Variants in RIMS2 observed in about 807,000 individuals in gnomAD.
RIMS2 encodes the protein regulating synaptic membrane exocytosis protein 2.
A neutral mutation model predicts 174.4 loss-of-function variants in RIMS2; 59 were observed. That is an observed-to-expected ratio of 0.34 (90% CI 0.27 to 0.42). The LOEUF (loss-of-function observed/expected upper bound fraction) is 0.42. Among genes scored for constraint, RIMS2 ranks in the 10% least tolerant of loss-of-function variants. The pLI is 1.00. For synonymous variants in RIMS2, 606 were observed against 572.5 expected (o/e 1.06, Z -0.84); for missense variants, 1,620 against 1,666.3 (o/e 0.97, Z 0.48).
chr8:103,561,426 C>T (rs192090700), intron 1 of RIMS2, among the ~76,000 whole-genome samples: 1 of 152,232 alleles, frequency 6.6e-6, no homozygotes, highest in East Asian at 1.9e-4. Flanking sequence ...AGCCCAATCA[C>T]TATGTCTTGA....
intron 2 of RIMS2, among the ~76,000 whole-genome samples, chr8:103,712,177 T>TG (rs2097313676): frequency 6.6e-6 from 1 of 150,704 alleles, no homozygotes; most frequent in East Asian, 1.9e-4. Flanking sequence ...CTTTTTTTTT[T>TG]TTTTTTTTTT....
chr8:103,910,571 G>T (rs780274341), intron 5 of RIMS2, 42 bp downstream of exon 8: 9 of 1,197,806 alleles, frequency 7.5e-6, no homozygotes, highest in South Asian at 1.2e-5. Flanking sequence ...TGCTCATTTG[G>T]TCTTCGTTTG....
At chr8:103,968,952 C>T (rs943372087) in intron 15 of RIMS2, among the ~76,000 whole-genome samples, 2 of 152,040 alleles carry the variant, frequency 1.3e-5, no homozygotes, top group African/African-American at 2.4e-5. Context: ...CTTTCTCCTT[C>T]ACTTTTGAAG....
rs1284618506 is a variant in RIMS2, at chr8:104,204,561, A to C, written c.3335-40355A>C. ...ATTAAAAAATTTACAGAGAGTGCTC[A>C]TAAAAATATTAAACAGTTGTCTGAA... On this transcript the variant is annotated intron_variant, in intron 19 of 23. Coordinates refer to ENST00000504942, the Ensembl canonical transcript of RIMS2. Among the ~76,000 whole-genome samples the C allele has an allele frequency of 3.3e-5, 5 of 151,892 alleles. No individual in the cohort carries two copies. The East Asian group carries it at 9.6e-4, about 29-fold the overall frequency.
chr8:104,149,791 C>G (rs899909539), intron 19 of RIMS2, among the ~76,000 whole-genome samples: 1 of 152,028 alleles, frequency 6.6e-6, no homozygotes, highest in Non-Finnish European at 1.5e-5. Flanking sequence ...TTCCTGGACC[C>G]GGCTAATCTT....
At chr8:103,677,710 A>C (rs1192249607) in intron 1 of RIMS2, among the ~76,000 whole-genome samples, 1 of 152,164 alleles carries the variant, frequency 6.6e-6, no homozygotes, top group African/African-American at 2.4e-5. Context: ...TAAATTTAAC[A>C]GTTTAATTGA....
intron 19 of RIMS2, among the ~76,000 whole-genome samples, chr8:104,181,194 C>T (rs1261900648): frequency 6.6e-6 from 1 of 151,636 alleles, no homozygotes; most frequent in Non-Finnish European, 1.5e-5. Context: ...TCCTGACTCA[C>T]TTTGACCAAA....
At chr8:103,526,579 G>T (rs571268956) in intron 1 of RIMS2, among the ~76,000 whole-genome samples, 1 of 152,068 alleles carries the variant, frequency 6.6e-6, no homozygotes, top group Non-Finnish European at 1.5e-5. Context: ...ATATAAGAGC[G>T]CTTTGGCAGA....
intron 1 of RIMS2, among the ~76,000 whole-genome samples, chr8:103,529,856 AC>A (rs1268405068): frequency 1.3e-5 from 2 of 152,270 alleles, no homozygotes; most frequent in African/African-American, 4.8e-5. Context: ...AATAAATATT[AC>A]TTTTTATTGT....
At chr8:103,854,627 T>A in intron 3 of RIMS2, among the ~76,000 whole-genome samples, 1 of 152,054 alleles carries the variant, frequency 6.6e-6, no homozygotes, top group Non-Finnish European at 1.5e-5. Context: ...GATGAACATA[T>A]GCTTTTTGTT....
At chr8:103,992,246 T>G (rs2094756078) in intron 17 of RIMS2, among the ~76,000 whole-genome samples, 1 of 150,908 alleles carries the variant, frequency 6.6e-6, no homozygotes, top group Admixed American at 6.6e-5. Context: ...ATAGCTGGGA[T>G]TACAGGCATG....
chr8:103,929,959 G>A (rs1565370724), intron 11 of RIMS2, among the ~76,000 whole-genome samples: 1 of 151,782 alleles, frequency 6.6e-6, no homozygotes, highest in South Asian at 2.1e-4. Flanking sequence ...AACTTCCAGG[G>A]CCTCATTCTG....
chr8:104,045,343 C>T (rs1000040466), intron 19 of RIMS2, among the ~76,000 whole-genome samples: 5 of 151,812 alleles, frequency 3.3e-5, no homozygotes, highest in African/African-American at 1.2e-4. Context: ...TTAGCACTTG[C>T]AAATCATAAT....
chr8:104,126,131 A>G (rs946678095), intron 19 of RIMS2, among the ~76,000 whole-genome samples: 1 of 152,160 alleles, frequency 6.6e-6, no homozygotes, highest in Non-Finnish European at 1.5e-5. Context: ...AACCGGTTTT[A>G]TGTCTTACTG....
intron 19 of RIMS2, among the ~76,000 whole-genome samples, chr8:104,191,237 G>C (rs541191919): frequency 6.4e-4 from 97 of 152,136 alleles, no homozygotes; most frequent in African/African-American, 2.2e-3. Flanking sequence ...ATCATTTTAA[G>C]TCTTAGTTGT....
rs558013982 is a variant in RIMS2 at position 103,677,934 on chromosome 8, T to C, written c.177-19152T>C. Among the ~76,000 whole-genome samples the C allele has an allele frequency of 8.0e-4, 122 of 152,330 alleles. 1 individual carries two copies. The highest frequency in any genetic ancestry group is 2.9e-3 in the African/African-American group (119 of 41,576). ...ATGTATGTGTGTATGCATTTATTTATTTATCTGTGCTTTGCTGAAACTCAG... is the reference window on the plus strand; with the variant it reads ...ATGTATGTGTGTATGCATTTATTTACTTATCTGTGCTTTGCTGAAACTCAG... On this transcript the variant is annotated intron_variant, in intron 1 of 23. Transcript: ENST00000504942.
At chr8:103,830,822 T>G (rs1444291498) in intron 3 of RIMS2, among the ~76,000 whole-genome samples, 1 of 152,232 alleles carries the variant, frequency 6.6e-6, no homozygotes, top group Non-Finnish European at 1.5e-5. Flanking sequence ...ATGTTTTCTT[T>G]TCTTGAGACA....
intron 4 of RIMS2, among the ~76,000 whole-genome samples, chr8:103,887,696 G>A (rs2099213048): frequency 6.6e-6 from 1 of 151,164 alleles, no homozygotes; most frequent in African/African-American, 2.4e-5. Flanking sequence ...AAAGGAGCTA[G>A]GTATGAAATG....
chr8:103,545,560 A>G (rs1234292432), intron 1 of RIMS2, among the ~76,000 whole-genome samples: 1 of 152,202 alleles, frequency 6.6e-6, no homozygotes, highest in Admixed American at 6.5e-5. Context: ...GACCATCACT[A>G]ATATACATAG....
Sources: gnomAD v4.1 joint callset for allele counts (sites outside exome capture counted in the v4.1 genomes callset) on GRCh38, gnomAD v4.1.1 for gene constraint, MANE v1.5 for transcripts, NCBI Gene and HGNC (gene_info 2026-07-23, HGNC 2026-07-21) for gene names.